The following HECW2 variants were observed in gnomAD, a reference collection of about 807,000 sequenced individuals.
HECW2 encodes the protein E3 ubiquitin-protein ligase HECW2.
A neutral mutation model predicts 175.2 loss-of-function variants in HECW2; 61 were observed. The ratio of observed to expected loss-of-function variants is 0.35; its 90% CI spans 0.28 to 0.43. HECW2 has a LOEUF of 0.43. Among genes scored for constraint, HECW2 ranks in the 20% least tolerant of loss-of-function variants. HECW2 has a pLI of 1.00. For synonymous variants in HECW2, 671 were observed against 731.0 expected (o/e 0.92, Z 1.32); for missense variants, 1,524 against 2,000.5 (o/e 0.76, Z 4.54).
chr2:196,448,042 G>C (rs1302100489), intron 1 of HECW2, among the ~76,000 whole-genome samples: 2 of 152,206 alleles, frequency 1.3e-5, no homozygotes, highest in East Asian at 1.9e-4. Context: ...CTCGGCAATA[G>C]AGGGAGACTT....
chr2:196,307,255 T>TA, intron 11 of HECW2, 22 bp from the exon 12 acceptor site: 1 of 1,524,530 alleles, frequency 6.6e-7, no homozygotes, highest in Non-Finnish European at 9.1e-7. Context: ...AGCCTAGAGT[T>TA]ACATTCCAGC....
In HECW2 at chr2:196,526,916, T is replaced by C. The variant is rs1420695652; in HGVS notation, c.-36+66592A>G. ...CAGGGACACTTAAGTCTGCAGAGGT[T>C]ACTGCTGTCTTTTTGTTTGTCTGTG... On this transcript the variant is annotated intron_variant, in intron 1 of 28. Coordinates refer to ENST00000644978, the MANE Select transcript of HECW2 (RefSeq NM_001348768.2). 3.3e-5 allele frequency among the ~76,000 whole-genome samples: 5 copies of C among 152,174 alleles called. No homozygotes were observed. In the East Asian group the frequency reaches 9.7e-4, roughly 29 times the overall value.
At chr2:196,294,875 G>C (rs1690746859) in intron 13 of HECW2, among the ~76,000 whole-genome samples, 1 of 152,184 alleles carries the variant, frequency 6.6e-6, no homozygotes, top group Non-Finnish European at 1.5e-5. Context: ...CTTGGAATGA[G>C]AAGTAATCCT....
intron 1 of HECW2, among the ~76,000 whole-genome samples, chr2:196,588,489 A>G (rs571965353): frequency 2.9e-4 from 44 of 152,354 alleles, no homozygotes; most frequent in Non-Finnish European, 5.4e-4. Context: ...GAGATGATTT[A>G]AAGTTTGGAG....
Position 196,318,740 on chromosome 2 carries a change from T to C in HECW2, c.2150A>G (p.Asp717Gly), listed in dbSNP as rs1328775382. ...GGCCGATTCTGCCCCTGGCCCTTCA[T>C]CCTCCCCACTGGGCACCTGTACCAC... is the stretch of plus-strand genomic sequence containing the variant. ...LPVVQVPSGE[D>G]EGPGAESATV... is the part of the protein sequence containing the mutation. The change falls in exon 9 of 29, where the codon GAT becomes GGT. Residue 717 changes from aspartate to glycine, a missense_variant. By Grantham distance (94) the Asp-to-Gly change is moderately conservative. Transcript: ENST00000644978. 1 of 1,537,084 alleles carries C rather than the reference T, an allele frequency of 6.5e-7. No individual in the cohort carries two copies. The highest frequency in any genetic ancestry group is 1.4e-5 in the African/African-American group (1 of 72,230).
intron 1 of HECW2, among the ~76,000 whole-genome samples, chr2:196,514,273 C>T (rs534859744): frequency 2.0e-5 from 3 of 152,314 alleles, no homozygotes; most frequent in African/African-American, 4.8e-5. Flanking sequence ...CTTCGGAGGG[C>T]GCTGACACAC....
chr2:196,225,650 T>C (rs376446834), intron 23 of HECW2, 122 bp downstream of exon 23: 14 of 634,516 alleles, frequency 2.2e-5, no homozygotes, highest in African/African-American at 9.2e-5. Context: ...CACTATTAGG[T>C]TTAATAACAA....
intron 2 of HECW2, among the ~76,000 whole-genome samples, chr2:196,404,369 T>C (rs951385688): frequency 5.3e-5 from 8 of 152,232 alleles, no homozygotes; most frequent in African/African-American, 1.9e-4. Context: ...CTTCAAAGTC[T>C]CTTCCTAGAC....
chr2:196,496,070 T>C (rs1441382247), intron 1 of HECW2, among the ~76,000 whole-genome samples: 1 of 152,218 alleles, frequency 6.6e-6, no homozygotes, highest in African/African-American at 2.4e-5. Flanking sequence ...AATTATAAAA[T>C]GATCTGCTTC....
intron 1 of HECW2, among the ~76,000 whole-genome samples, chr2:196,572,171 G>C (rs554826827): frequency 1.9e-4 from 29 of 151,994 alleles, no homozygotes; most frequent in Non-Finnish European, 4.1e-4. Context: ...ATGGGTACAG[G>C]GTTTCAGAAG....
chr2:196,459,985 C>T (rs887851610), intron 1 of HECW2, among the ~76,000 whole-genome samples: 1 of 152,174 alleles, frequency 6.6e-6, no homozygotes, highest in Non-Finnish European at 1.5e-5. Context: ...TATTCCTCCA[C>T]CTCCTTCAGT....
At chr2:196,278,705 T>A in intron 14 of HECW2, 43 bp from the exon 15 acceptor site, 2 of 1,609,738 alleles carry the variant, frequency 1.2e-6, no homozygotes, top group Non-Finnish European at 1.7e-6. Context: ...CGCTCACATG[T>A]CTTAGCTGAC....
chr2:196,329,350 ACTGT>A (rs1011468506), intron 5 of HECW2, among the ~76,000 whole-genome samples: 7 of 152,280 alleles, frequency 4.6e-5, no homozygotes, highest in African/African-American at 7.2e-5. Context: ...AGTTATATAG[ACTGT>A]CTATCGCCAG....
chr2:196,299,885 C>T (rs528775127), intron 13 of HECW2, among the ~76,000 whole-genome samples: 41 of 151,540 alleles, frequency 2.7e-4, no homozygotes, highest in African/African-American at 8.5e-4. Flanking sequence ...GCCGAGATGG[C>T]GCCACTGCAC....
intron 2 of HECW2, among the ~76,000 whole-genome samples, chr2:196,411,872 T>C (rs535319555): frequency 2.0e-4 from 31 of 152,134 alleles, no homozygotes; most frequent in Non-Finnish European, 3.7e-4. Context: ...CTAGCTGGTG[T>C]AGTGGCGCAC....
At chr2:196,419,107 A>C (rs888988559) in intron 2 of HECW2, among the ~76,000 whole-genome samples, 1 of 152,246 alleles carries the variant, frequency 6.6e-6, no homozygotes, top group Non-Finnish European at 1.5e-5. Flanking sequence ...AACAAGATGC[A>C]GTTAAGGAGT....
chr2:196,346,993 G>C (rs1218402797), intron 2 of HECW2, among the ~76,000 whole-genome samples: 1 of 121,540 alleles, frequency 8.2e-6, no homozygotes, highest in African/African-American at 3.2e-5. Flanking sequence ...GGGCGACAGA[G>C]TGAGACTCCG....
Position 196,203,571 on chromosome 2 carries a change from A to C in HECW2, c.4608-2183T>G, listed in dbSNP as rs57985543. ...ACAGATGACACCACAATACTATTTT[A>C]CAATTTTCATTTCTTTGGTTACCAA... On this transcript the variant is annotated intron_variant, in intron 28 of 28. Coordinates refer to ENST00000644978, the MANE Select transcript of HECW2 (RefSeq NM_001348768.2). Among the ~76,000 whole-genome samples, 979 of 152,324 alleles carry C rather than the reference A, an allele frequency of 6.4e-3. 68 individuals carry two copies. In the East Asian group the frequency reaches 0.16, roughly 24 times the overall value.
chr2:196,278,133 A>ATATATATATATATATATATATGTATATAT (rs1553489735), intron 15 of HECW2, among the ~76,000 whole-genome samples: 1 of 66,552 alleles, frequency 1.5e-5, no homozygotes, highest in Non-Finnish European at 3.3e-5. Context: ...ATAATTAAAA[A>ATATATATATATATATATATATGTATATAT]ATATATATAT....
Sources: allele counts gnomAD v4.1 joint callset (sites outside exome capture counted in the v4.1 genomes callset), GRCh38; gene constraint gnomAD v4.1.1; transcripts MANE v1.5; gene names NCBI Gene and HGNC (gene_info 2026-07-23, HGNC 2026-07-21).